The following RFXAP variants were observed in gnomAD, a reference collection of about 807,000 sequenced individuals.
The protein encoded by RFXAP is regulatory factor X associated protein, also known as regulatory factor X-associated protein.
A neutral mutation model predicts 25.7 loss-of-function variants in RFXAP; 21 were observed. The observed-to-expected ratio is 0.82, with a 90% CI of 0.58 to 1.18. The LOEUF is 1.18. Ranked by LOEUF, RFXAP falls within the 50% of genes most tolerant of loss-of-function variation. The pLI is 0.00. For synonymous variants in RFXAP, 161 were observed against 152.2 expected (o/e 1.06, Z -0.43); for missense variants, 333 against 363.0 (o/e 0.92, Z 0.67).
rs942537504 is a variant in RFXAP at position 36,828,379 on chromosome 13, C to T, written c.*626C>T. On this transcript the variant is annotated 3_prime_UTR_variant, in exon 3 of 3. Transcript: ENST00000255476. ...AAGAGGTAAGCACATTTTATATAGACGTAAGGAAAGTGATTATTGTTTAAT... is the reference window on the plus strand; with the variant it reads ...AAGAGGTAAGCACATTTTATATAGATGTAAGGAAAGTGATTATTGTTTAAT... The T allele has an allele frequency of 3.3e-5, 5 of 152,190 alleles. No individual in the cohort carries two copies. Among genetic ancestry groups the T allele is most frequent in the African/African-American group, 7.2e-5 (3 of 41,424 alleles). The allele number at this position is 152,190 out of a possible 1,614,324, so 9.4% of individuals were successfully genotyped here. A position where few individuals can be genotyped will look rare whatever the true frequency, so the allele number is the denominator to read the frequency against.
chr13:36,819,576 C>G lies in RFXAP; in HGVS notation c.219C>G (p.Tyr73Ter), dbSNP rs1415196376. 1 of 1,530,878 alleles carries G rather than the reference C, an allele frequency of 6.5e-7. No individual in the cohort carries two copies. Among genetic ancestry groups the G allele is most frequent in the Non-Finnish European group, 8.8e-7 (1 of 1,136,028 alleles). 94.8% of individuals were successfully genotyped at this position (1,530,878 alleles called of 1,614,324 possible). A position where few individuals can be genotyped will look rare whatever the true frequency, so the allele number is the denominator to read the frequency against. ...TTGGGGCGGGCAAGCCCGTTAGGTACCTGTGCGAAGGGGCCGGGGATGGCG... is the reference window on the plus strand; with the variant it reads ...TTGGGGCGGGCAAGCCCGTTAGGTAGCTGTGCGAAGGGGCCGGGGATGGCG... ...GSVGAGKPVR[Y>*]LCEGAGDGEE... Residue 73 changes from tyrosine (Y) to a stop codon, truncating the protein, a stop_gained, in exon 1 of 3, where the codon TAC becomes TAG. Coordinates refer to ENST00000255476, the MANE Select transcript of RFXAP (RefSeq NM_000538.4). LOFTEE classifies it high-confidence loss of function.
chr13:36,825,651 A>T, intron 2 of RFXAP, 116 bp downstream of exon 2: 1 of 623,160 alleles, frequency 1.6e-6, no homozygotes, highest in South Asian at 2.0e-5. Context: ...ATCAAAATAA[A>T]TTCCTAATAA....
chr13:36,819,550 G>C lies in RFXAP; in HGVS notation c.193G>C (p.Val65Leu), dbSNP rs866987375. 3 of 1,523,864 alleles carry C rather than the reference G, an allele frequency of 2.0e-6. No individual in the cohort carries two copies. The highest frequency in any genetic ancestry group is 2.6e-6 in the Non-Finnish European group (3 of 1,133,588). The allele number at this position is 1,523,864 out of a possible 1,614,324, so 94.4% of individuals were successfully genotyped here. Residue 65 changes from valine (V) to leucine (L), a missense_variant, in exon 1 of 3, where the codon GTT (valine) becomes CTT (leucine). By Grantham distance (32) the Val-to-Leu change is conservative. Coordinates refer to ENST00000255476, the MANE Select transcript of RFXAP (RefSeq NM_000538.4). ...QDEAAAPGGS[V>L]GAGKPVRYLC... Reference sequence around the variant, plus strand: ...CGAGGCTGCGGCCCCCGGGGGCAGCGTTGGGGCGGGCAAGCCCGTTAGGTA... The same window carrying C: ...CGAGGCTGCGGCCCCCGGGGGCAGCCTTGGGGCGGGCAAGCCCGTTAGGTA...
Position 36,819,852 on chromosome 13 carries a change from C to T in RFXAP, c.495C>T (p.His165=). Residue 165 remains histidine, a synonymous_variant, in exon 1 of 3, where the codon CAC becomes CAT. Coordinates refer to ENST00000255476, the MANE Select transcript of RFXAP (RefSeq NM_000538.4). ...GCAAACCGTGGATGTGCAAGAAACACCGCAACAAGATGTACAAGGACAAGT... is the reference window on the plus strand; with the variant it reads ...GCAAACCGTGGATGTGCAAGAAACATCGCAACAAGATGTACAAGGACAAGT... ...KQRKPWMCKK[H]RNKMYKDKYK... is the part of the protein sequence containing the mutation. 1 of 1,609,478 alleles carries T rather than the reference C, an allele frequency of 6.2e-7. No individual in the cohort carries two copies. The highest frequency in any genetic ancestry group is 8.5e-7 in the Non-Finnish European group (1 of 1,177,770).
In RFXAP at chr13:36,819,867, C is replaced by T; in HGVS notation, c.510C>T (p.Tyr170=). Residue 170 remains tyrosine, a synonymous_variant, in exon 1 of 3, where the codon TAC becomes TAT. Transcript: ENST00000255476. ...WMCKKHRNKM[Y]KDKYKKKKSD... Reference sequence around the variant, plus strand: ...GCAAGAAACACCGCAACAAGATGTACAAGGACAAGTATAAAAAGAAGAAGA... The same window carrying T: ...GCAAGAAACACCGCAACAAGATGTATAAGGACAAGTATAAAAAGAAGAAGA... 6.2e-7 allele frequency: 1 copy of T among 1,611,666 alleles called. No homozygotes were observed. The highest frequency in any genetic ancestry group is 8.5e-7 in the Non-Finnish European group (1 of 1,178,934).
chr13:36,821,238 A>T (rs1268991413), intron 1 of RFXAP, among the ~76,000 whole-genome samples: 1 of 140,336 alleles, frequency 7.1e-6, no homozygotes, highest in East Asian at 2.7e-4. Context: ...AAAAAAAAAA[A>T]AAAATTTTTT....
chr13:36,827,793 T>C lies in RFXAP; in HGVS notation c.*40T>C, dbSNP rs745516470. The C allele has an allele frequency of 4.8e-6, 7 of 1,454,054 alleles. No homozygotes were observed. The highest frequency in any genetic ancestry group is 1.7e-4 in the Middle Eastern group (1 of 5,824). 90.1% of individuals were successfully genotyped at this position (1,454,054 alleles called of 1,614,324 possible). A position where few individuals can be genotyped will look rare whatever the true frequency, so the allele number is the denominator to read the frequency against. On this transcript the variant is annotated 3_prime_UTR_variant, in exon 3 of 3. Coordinates refer to ENST00000255476, the MANE Select transcript of RFXAP (RefSeq NM_000538.4). ...AACATCTACATGGTTTTTTATCTTA[T>C]TGTAATAGATGAGCATATTTTTTTA... is the stretch of plus-strand genomic sequence containing the variant.
At position 36,821,242 on chromosome 13, in the gene RFXAP, AT is replaced by A. The variant is rs1318704650; in HGVS notation, c.600+1293del. Among the ~76,000 whole-genome samples, 32 of 110,234 alleles carry A rather than the reference AT, an allele frequency of 2.9e-4. 1 individual carries two copies. The highest frequency in any genetic ancestry group is 1.0e-3 in the African/African-American group (30 of 29,308). The allele number at this position is 110,234 out of a possible 152,430, so 72.3% of individuals were successfully genotyped here. On this transcript the variant is annotated intron_variant, in intron 1 of 2. Coordinates refer to ENST00000255476, the MANE Select transcript of RFXAP (RefSeq NM_000538.4). ...AAAAAAAAAAAAAAAAAAAAAAAAA[AT>A]TTTTTTTAACTGCAAGCTGTCTTAG...
chr13:36,825,554 A>T lies in RFXAP; in HGVS notation c.708+19A>T, dbSNP rs2057975540. 6.5e-7 allele frequency: 1 copy of T among 1,546,692 alleles called. No individual in the cohort carries two copies. Among genetic ancestry groups the T allele is most frequent in the Non-Finnish European group, 8.9e-7 (1 of 1,122,924 alleles). On this transcript the variant is annotated intron_variant, in intron 2 of 2. Coordinates refer to ENST00000255476, the MANE Select transcript of RFXAP (RefSeq NM_000538.4). ...AAGACTGGTAAATATCTGTTTGTAA[A>T]TCAGTTATAAATGTGTTAACAAACG... is the stretch of plus-strand genomic sequence containing the variant.
rs1325476512 is a variant in RFXAP at position 36,827,568 on chromosome 13, T to A, written c.709-75T>A. The A allele has an allele frequency of 2.9e-6, 3 of 1,035,782 alleles. No homozygotes were observed. In the African/African-American group the frequency reaches 4.8e-5, roughly 17 times the overall value. The allele number at this position is 1,035,782 out of a possible 1,614,324, so 64.2% of individuals were successfully genotyped here. On this transcript the variant is annotated intron_variant, in intron 2 of 2. Coordinates refer to ENST00000255476, the MANE Select transcript of RFXAP (RefSeq NM_000538.4). ...ATATTGTATCATATGTAGGGACACA[T>A]CAGAGTAATTAGCATGAAAACAGTC...
intron 1 of RFXAP, 97 bp downstream of exon 1, chr13:36,820,054 A>C: frequency 6.5e-7 from 1 of 1,532,060 alleles, no homozygotes; most frequent in Non-Finnish European, 8.9e-7. Context: ...CCACTTCCAA[A>C]TGGGCCGGTT....
intron 1 of RFXAP, among the ~76,000 whole-genome samples, chr13:36,822,792 G>A (rs1253517301): frequency 1.3e-5 from 2 of 152,112 alleles, no homozygotes; most frequent in African/African-American, 4.8e-5. Context: ...CTTATATTTT[G>A]GGATACTTTA....
intron 1 of RFXAP, among the ~76,000 whole-genome samples, chr13:36,825,015 G>A (rs953415164): frequency 6.6e-6 from 1 of 152,136 alleles, no homozygotes; most frequent in African/African-American, 2.4e-5. Context: ...AAGGCAAGCA[G>A]ATTATGTTTC....
chr13:36,826,240 C>G (rs2057977569), intron 2 of RFXAP, among the ~76,000 whole-genome samples: 1 of 152,024 alleles, frequency 6.6e-6, no homozygotes, highest in Admixed American at 6.6e-5. Flanking sequence ...TCAGTCTTAA[C>G]TGCAAAGAAA....
chr13:36,827,542 C>A (rs1009751152), intron 2 of RFXAP, 101 bp from the exon 3 acceptor site: 24 of 832,088 alleles, frequency 2.9e-5, no homozygotes, highest in Non-Finnish European at 4.7e-5. Context: ...TTCTTGTGAA[C>A]ATATTGTATC....
chr13:36,823,721 A>C (rs548451028), intron 1 of RFXAP, among the ~76,000 whole-genome samples: 1 of 152,314 alleles, frequency 6.6e-6, no homozygotes, highest in South Asian at 2.1e-4. Flanking sequence ...TCAAGGTTAA[A>C]TGAGGAACAA....
chr13:36,819,501 G>A lies in RFXAP; in HGVS notation c.144G>A (p.Val48=). The A allele has an allele frequency of 1.0e-5, 16 of 1,553,626 alleles. No homozygotes were observed. Among genetic ancestry groups the A allele is most frequent in the Non-Finnish European group, 1.4e-5 (16 of 1,149,066 alleles). Residue 48 remains valine, a synonymous_variant, in exon 1 of 3, where the codon GTG becomes GTA. Transcript: ENST00000255476. ...AAAASQFTLL[V]MQPCAGQDEA... The stretch of plus-strand genomic sequence containing the variant: ...CGGCCTCTCAATTCACCCTGCTAGT[G>A]ATGCAACCCTGTGCTGGGCAGGACG...
Position 36,827,636 on chromosome 13 carries a change from TTCTA to T in RFXAP, c.709-6_709-3del. On this transcript the variant is annotated splice_polypyrimidine_tract_variant and splice_region_variant and intron_variant, in intron 2 of 2. Coordinates refer to ENST00000255476, the MANE Select transcript of RFXAP (RefSeq NM_000538.4). ...GCTATTAATAATTTTTTTCTTTTCTTTCTAAGTCGTTACTAAGAAGTCCAGAAGT... is the reference window on the plus strand; with the variant it reads ...GCTATTAATAATTTTTTTCTTTTCTTAGTCGTTACTAAGAAGTCCAGAAGT... The T allele has an allele frequency of 6.2e-7, 1 of 1,608,060 alleles. No individual in the cohort carries two copies. The highest frequency in any genetic ancestry group is 8.5e-7 in the Non-Finnish European group (1 of 1,174,790).
In RFXAP at chr13:36,828,777, A is replaced by T. The variant is rs1054001091; in HGVS notation, c.*1024A>T. ...TGTTCAAAAATGATAAGTAATCTGGATACCTTTTTCTTATACTTTCTCCTA... is the reference window on the plus strand; with the variant it reads ...TGTTCAAAAATGATAAGTAATCTGGTTACCTTTTTCTTATACTTTCTCCTA... On this transcript the variant is annotated 3_prime_UTR_variant, in exon 3 of 3. Transcript: ENST00000255476. The T allele has an allele frequency of 3.9e-5, 6 of 152,336 alleles. No individual in the cohort carries two copies. The highest frequency in any genetic ancestry group is 2.1e-4 in the South Asian group (1 of 4,826). The allele number at this position is 152,336 out of a possible 1,614,324, so 9.4% of individuals were successfully genotyped here. A position where few individuals can be genotyped will look rare whatever the true frequency, so the allele number is the denominator to read the frequency against.
Sources: gnomAD v4.1 joint callset for allele counts (sites outside exome capture counted in the v4.1 genomes callset) on GRCh38, gnomAD v4.1.1 for gene constraint, MANE v1.5 for transcripts, NCBI Gene and HGNC (gene_info 2026-07-23, HGNC 2026-07-21) for gene names.